NDUFAF5: variants seen among roughly 807,000 people sequenced by gnomAD.
NDUFAF5 encodes NADH:ubiquinone oxidoreductase complex assembly factor 5.
A neutral mutation model predicts 48.9 loss-of-function variants in NDUFAF5; 34 were observed. That is an observed-to-expected ratio of 0.70 (90% CI 0.53 to 0.93). NDUFAF5 has a LOEUF of 0.93. Among genes scored for constraint, NDUFAF5 ranks in the 40% least tolerant of loss-of-function variants. The probability of loss-of-function intolerance (pLI) is 0.00; values close to 1 mark genes in which losing one functional copy is unlikely to be tolerated. For missense variants in NDUFAF5, 428 were observed against 427.5 expected (o/e 1.00, Z -0.01); for synonymous variants, 153 against 150.6 (o/e 1.02, Z -0.12).
intron 9 of NDUFAF5, 151 bp from the exon 10 acceptor site, chr20:13,816,724 C>A: frequency 1.3e-6 from 1 of 751,892 alleles, no homozygotes. Context: ...TATTTCCTTA[C>A]CCTCAGTATT....
rs1031358814 is a variant in NDUFAF5, at chr20:13,795,962, G to A, written c.479+1021G>A. Among the ~76,000 whole-genome samples, 9 of 152,208 alleles carry A rather than the reference G, an allele frequency of 5.9e-5. No homozygotes were observed. In the South Asian group the frequency reaches 1.9e-3, roughly 32 times the overall value. ...TAGGTTATAGGATACAAGGCACTGA[G>A]CCAGATTTTTGGGTGAATACAAAAA... On this transcript the variant is annotated intron_variant, in intron 5 of 10. Transcript: ENST00000378106.
At chr20:13,816,600 T>A (rs1986495977) in intron 9 of NDUFAF5, 54 bp downstream of exon 9, 5 of 1,401,688 alleles carry the variant, frequency 3.6e-6, no homozygotes, top group Non-Finnish European at 5.1e-6. Flanking sequence ...TGCTGTATCA[T>A]GTTGATTCCC....
Position 13,816,483 on chromosome 20 carries a change from G to T in NDUFAF5, c.799G>T (p.Ala267Ser), listed in dbSNP as rs886349078. The change falls in exon 9 of 11, where the codon GCT becomes TCT. Residue 267 changes from alanine (A) to serine (S), a missense_variant. Physicochemically the swap from Ala to Ser is moderately conservative, Grantham distance 99. Transcript: ENST00000378106. ...TGTAGGTATGGGTGAGAGTAACTGT[G>T]CTTGGAATAGAAAAGCCCTGCTGCA... ...DLQGMGESNCAWNRKALLHRD... is the reference protein window; with the variant it reads ...DLQGMGESNCSWNRKALLHRD... 6 of 1,613,910 alleles carry T rather than the reference G, an allele frequency of 3.7e-6. No individual in the cohort carries two copies.
At chr20:13,800,209 G>A (rs550302268) in intron 6 of NDUFAF5, among the ~76,000 whole-genome samples, 56 of 152,204 alleles carry the variant, frequency 3.7e-4, no homozygotes, top group African/African-American at 1.2e-3. Flanking sequence ...AGGGAGAGCG[G>A]GGAGCTGCAG....
chr20:13,813,649 G>A (rs565022080), intron 8 of NDUFAF5, among the ~76,000 whole-genome samples: 25 of 152,272 alleles, frequency 1.6e-4, no homozygotes, highest in Non-Finnish European at 2.8e-4. Context: ...AACACAGGAG[G>A]AAAAGGCCCT....
chr20:13,812,658 C>T (rs1986015691), intron 8 of NDUFAF5, among the ~76,000 whole-genome samples: 1 of 152,028 alleles, frequency 6.6e-6, no homozygotes, highest in Non-Finnish European at 1.5e-5. Context: ...TTTCTAATAC[C>T]CTAATTTTAC....
At chr20:13,789,479 CTTT>C (rs751983106) in intron 3 of NDUFAF5, among the ~76,000 whole-genome samples, 4 of 126,120 alleles carry the variant, frequency 3.2e-5, no homozygotes, top group African/African-American at 2.9e-5. Flanking sequence ...AGTGGAATTT[CTTT>C]TTTTTTTTTT....
intron 7 of NDUFAF5, among the ~76,000 whole-genome samples, chr20:13,804,688 CCTT>C (rs1419393736): frequency 2.0e-5 from 3 of 152,274 alleles, no homozygotes; most frequent in African/African-American, 4.8e-5. Flanking sequence ...CAGTGAATAT[CCTT>C]CTATACAAAT....
rs1299653141 is a variant in NDUFAF5 at position 13,818,520 on chromosome 20, TGCAATGGC to T, written c.*1314_*1321del. 3.0e-6 allele frequency: 1 copy of T among 328,606 alleles called. No individual in the cohort carries two copies. The highest frequency in any genetic ancestry group is 5.8e-6 in the Non-Finnish European group (1 of 171,422). 20.4% of individuals were successfully genotyped at this position (328,606 alleles called of 1,614,324 possible). ...CAAAAAACAAACTGCGCTAGCCAGG[TGCAATGGC>T]GCATGCCTGTAGTCCCAGCTACTTG... is the stretch of plus-strand genomic sequence containing the variant. On this transcript the variant is annotated 3_prime_UTR_variant, in exon 11 of 11. Transcript: ENST00000378106.
chr20:13,806,962 A>T (rs1023517988), intron 7 of NDUFAF5, among the ~76,000 whole-genome samples: 10 of 152,004 alleles, frequency 6.6e-5, no homozygotes, highest in African/African-American at 2.4e-4. Context: ...GCTTACTGCA[A>T]CCTCTGCCTC....
rs551020304 is a variant in NDUFAF5, at chr20:13,810,132, A to C, written c.778+1230A>C. 2.1e-3 allele frequency among the ~76,000 whole-genome samples: 318 copies of C among 152,318 alleles called. 3 individuals carry two copies. The highest frequency in any genetic ancestry group is 0.02 in the South Asian group (95 of 4,820). ...AAAAAGTTGGGAGTCAGTTGTGAAT[A>C]GGTGGCATTCAAAGCGTTTGCCTAG... On this transcript the variant is annotated intron_variant, in intron 8 of 10. Coordinates refer to ENST00000378106, the MANE Select transcript of NDUFAF5 (RefSeq NM_024120.5).
At position 13,818,343 on chromosome 20, in the gene NDUFAF5, GA is replaced by G. The variant is rs1200590470; in HGVS notation, c.*1138del. The G allele has an allele frequency of 2.5e-6, 1 of 394,284 alleles. No individual in the cohort carries two copies. Among genetic ancestry groups the G allele is most frequent in the African/African-American group, 2.1e-5 (1 of 47,726 alleles). 24.4% of individuals were successfully genotyped at this position (394,284 alleles called of 1,614,324 possible). ...AAGAAATTATTGTTCCCTTCAGTTT[GA>G]AAAATCATCGATATTTGAAACTGGG... On this transcript the variant is annotated 3_prime_UTR_variant, in exon 11 of 11. Coordinates refer to ENST00000378106, the MANE Select transcript of NDUFAF5 (RefSeq NM_024120.5).
intron 7 of NDUFAF5, among the ~76,000 whole-genome samples, chr20:13,806,214 A>G (rs889903280): frequency 6.6e-6 from 1 of 152,164 alleles, no homozygotes. Context: ...GTACTTTAAG[A>G]GAATGGTGCA....
intron 2 of NDUFAF5, 46 bp downstream of exon 2, chr20:13,787,398 A>T: frequency 6.4e-7 from 1 of 1,559,310 alleles, no homozygotes; most frequent in Non-Finnish European, 8.8e-7. Context: ...TTTTGAGTGG[A>T]AATTCAGGAG....
intron 7 of NDUFAF5, among the ~76,000 whole-genome samples, chr20:13,802,073 C>G (rs988325428): frequency 3.9e-5 from 6 of 152,076 alleles, no homozygotes; most frequent in African/African-American, 9.7e-5. Context: ...CCACCAATAA[C>G]TACCCCCAAA....
intron 6 of NDUFAF5, among the ~76,000 whole-genome samples, chr20:13,801,281 G>A (rs1412340380): frequency 6.6e-6 from 1 of 152,114 alleles, no homozygotes; most frequent in Admixed American, 6.6e-5. Context: ...ATTAGTGAAT[G>A]TATAGTTGTC....
Position 13,818,080 on chromosome 20 carries a change from T to C in NDUFAF5, c.*870T>C, listed in dbSNP as rs1316273526. On this transcript the variant is annotated 3_prime_UTR_variant, in exon 11 of 11. Coordinates refer to ENST00000378106, the MANE Select transcript of NDUFAF5 (RefSeq NM_024120.5). The stretch of plus-strand genomic sequence containing the variant: ...CACTGCCCTAGCCTCATCTTCAGCC[T>C]TCAGTGATCTATAATAGCATTTCCT... 2 of 454,106 alleles carry C rather than the reference T, an allele frequency of 4.4e-6. No homozygotes were observed. The allele number at this position is 454,106 out of a possible 1,614,324, so 28.1% of individuals were successfully genotyped here.
chr20:13,812,108 T>C (rs79014475), intron 8 of NDUFAF5, among the ~76,000 whole-genome samples: 5,832 of 152,314 alleles, frequency 0.038, 337 homozygotes, highest in African/African-American at 0.13. Flanking sequence ...CTCATGCTTC[T>C]TGGCTCTGCC....
intron 5 of NDUFAF5, among the ~76,000 whole-genome samples, chr20:13,797,586 G>A (rs1348538677): frequency 6.6e-6 from 1 of 152,198 alleles, no homozygotes; most frequent in Non-Finnish European, 1.5e-5. Context: ...TTGTGTAGGG[G>A]AAGGATGAAT....
Sources: gnomAD v4.1 joint callset for allele counts (sites outside exome capture counted in the v4.1 genomes callset) on GRCh38, gnomAD v4.1.1 for gene constraint, MANE v1.5 for transcripts, NCBI Gene and HGNC (gene_info 2026-07-23, HGNC 2026-07-21) for gene names.